RYR2: variants seen among roughly 807,000 people sequenced by gnomAD.
RYR2 encodes ryanodine receptor 2, also known as cardiac muscle ryanodine receptor-calcium release channel.
Under a neutral mutation model 601.1 loss-of-function variants are expected in RYR2, and 227 were observed. The observed-to-expected ratio is 0.38, with a 90% CI of 0.34 to 0.42. The LOEUF (loss-of-function observed/expected upper bound fraction) is 0.42, where lower values mean the gene tolerates loss of function less well. Among genes scored for constraint, RYR2 ranks in the 10% least tolerant of loss-of-function variants. The probability of loss-of-function intolerance (pLI) is 1.00; values close to 1 mark genes in which losing one functional copy is unlikely to be tolerated. For synonymous variants in RYR2, 2,223 were observed against 2,175.1 expected, an observed-to-expected ratio of 1.02 and a Z score of -0.61; for missense variants, 4,646 against 6,156.5, an observed-to-expected ratio of 0.75 and a Z score of 8.21.
chr1:237,579,188 C>G (rs1314833014), intron 29 of RYR2, among the ~76,000 whole-genome samples: 3 of 151,086 alleles, frequency 2.0e-5, no homozygotes, highest in Admixed American at 6.6e-5. Flanking sequence ...ATAAATTGTA[C>G]TTTTTCTTTG....
intron 2 of RYR2, among the ~76,000 whole-genome samples, chr1:237,284,636 T>C (rs1319946709): frequency 1.5e-5 from 2 of 135,814 alleles, no homozygotes; most frequent in Non-Finnish European, 3.1e-5. Flanking sequence ...TATATATGTA[T>C]AGTGTGTGTA....
At chr1:237,431,405 T>A (rs1479967305) in intron 12 of RYR2, among the ~76,000 whole-genome samples, 1 of 152,190 alleles carries the variant, frequency 6.6e-6, no homozygotes, top group Non-Finnish European at 1.5e-5. Flanking sequence ...CTCTTGTGTG[T>A]ATTTGAGTTG....
At position 237,153,412 on chromosome 1, in the gene RYR2, G is replaced by T. The variant is rs1481843743; in HGVS notation, c.48+110843G>T. Reference sequence around the variant, plus strand: ...TTAACTGAAACCTAAACTGTTCTGTGTGTGTGTGTTTTAAATAACGATGGA... The same window carrying T: ...TTAACTGAAACCTAAACTGTTCTGTTTGTGTGTGTTTTAAATAACGATGGA... On this transcript the variant is annotated intron_variant, in intron 1 of 104. Transcript: ENST00000366574. Among the ~76,000 whole-genome samples, 4 of 152,156 alleles carry T rather than the reference G, an allele frequency of 2.6e-5. No homozygotes were observed. The East Asian group carries it at 7.7e-4, about 29-fold the overall frequency.
At chr1:237,385,077 G>C (rs1047279563) in intron 8 of RYR2, among the ~76,000 whole-genome samples, 2 of 151,894 alleles carry the variant, frequency 1.3e-5, no homozygotes, top group African/African-American at 4.8e-5. Context: ...TTTTAGTAGA[G>C]ACAGGGTTTC....
At chr1:237,535,159 A>G (rs1668473741) in intron 25 of RYR2, among the ~76,000 whole-genome samples, 1 of 152,048 alleles carries the variant, frequency 6.6e-6, no homozygotes, top group East Asian at 1.9e-4. Context: ...TACTTGGAGA[A>G]AGTAAAAGAA....
intron 1 of RYR2, among the ~76,000 whole-genome samples, chr1:237,070,851 A>G (rs1261976014): frequency 6.6e-6 from 1 of 152,166 alleles, no homozygotes; most frequent in Non-Finnish European, 1.5e-5. Context: ...GGACAAGGAG[A>G]ATGCAATGGT....
intron 3 of RYR2, among the ~76,000 whole-genome samples, chr1:237,335,727 C>T (rs986655412): frequency 6.6e-6 from 1 of 152,098 alleles, no homozygotes; most frequent in Admixed American, 6.5e-5. Context: ...TCATTCTTTG[C>T]TCCTTACATC....
At chr1:237,686,822 TTTAAG>T in intron 62 of RYR2, among the ~76,000 whole-genome samples, 1 of 152,284 alleles carries the variant, frequency 6.6e-6, no homozygotes, top group African/African-American at 2.4e-5. Flanking sequence ...ATCCAGAGAC[TTTAAG>T]TTATCACATC....
rs1182027242 is a variant in RYR2 at position 237,784,411 on chromosome 1, G to C, written c.12699G>C (p.Met4233Ile). 6.2e-7 allele frequency: 1 copy of C among 1,613,870 alleles called. No homozygotes were observed. Residue 4233 changes from methionine to isoleucine, a missense_variant, in exon 90 of 105, where the codon ATG becomes ATC. By Grantham distance (10) the Met-to-Ile change is conservative. Around this residue, in one of 17 missense-constraint regions of RYR2, gnomAD observed 364 missense variants for 442.9 expected, o/e 0.82. Transcript: ENST00000366574. This position sits in a 1 kb window ranked among gnomAD's most constrained non-coding sequence, Gnocchi z 7.1. ...KERPEEQGPR[M>I]AFFSILTVRS... Reference sequence around the variant, plus strand: ...GGCCGGAAGAGCAGGGGCCGAGGATGGCTTTCTTCTCCATTCTGACGGTCA... The same window carrying C: ...GGCCGGAAGAGCAGGGGCCGAGGATCGCTTTCTTCTCCATTCTGACGGTCA...
intron 1 of RYR2, among the ~76,000 whole-genome samples, chr1:237,156,468 G>C (rs1238996098): frequency 6.6e-6 from 1 of 152,094 alleles, no homozygotes; most frequent in Non-Finnish European, 1.5e-5. Context: ...GCTTAATTTT[G>C]CTTGATTCAA....
chr1:237,654,457 T>C (rs1223261996), intron 52 of RYR2, 43 bp downstream of exon 52: 1 of 1,591,890 alleles, frequency 6.3e-7, no homozygotes, highest in South Asian at 1.1e-5. Context: ...AATAAAATGG[T>C]ATAGAGCCAC....
intron 24 of RYR2, among the ~76,000 whole-genome samples, chr1:237,528,798 T>C (rs917662943): frequency 6.6e-6 from 1 of 152,150 alleles, no homozygotes; most frequent in African/African-American, 2.4e-5. Flanking sequence ...CATGTCACAC[T>C]GAGGTACTGA....
chr1:237,713,109 C>T (rs1688977559), intron 71 of RYR2, among the ~76,000 whole-genome samples: 1 of 152,150 alleles, frequency 6.6e-6, no homozygotes, highest in South Asian at 2.1e-4. Context: ...GTGTTTGACC[C>T]GACAGCACAT....
At chr1:237,457,555 C>G (rs1232459398) in intron 16 of RYR2, among the ~76,000 whole-genome samples, 1 of 152,170 alleles carries the variant, frequency 6.6e-6, no homozygotes, top group Admixed American at 6.5e-5. Context: ...CCCCAGTTCT[C>G]AAAGGACAAT....
At chr1:237,749,104 A>G (rs1692329112) in intron 80 of RYR2, among the ~76,000 whole-genome samples, 1 of 152,228 alleles carries the variant, frequency 6.6e-6, no homozygotes, top group Non-Finnish European at 1.5e-5. Flanking sequence ...TTGAAGCAGC[A>G]TATATTTGTG....
intron 1 of RYR2, among the ~76,000 whole-genome samples, chr1:237,232,072 G>A (rs1685056539): frequency 6.6e-6 from 1 of 152,184 alleles, no homozygotes; most frequent in Non-Finnish European, 1.5e-5. Context: ...GAGTGATACT[G>A]TAAAATACAT....
At chr1:237,290,829 T>G (rs1418683139) in intron 2 of RYR2, among the ~76,000 whole-genome samples, 1 of 152,194 alleles carries the variant, frequency 6.6e-6, no homozygotes, top group Admixed American at 6.5e-5. Context: ...AAATGTTCAA[T>G]ATGTTTGAAG....
In RYR2 at chr1:237,639,221, C is replaced by G. The variant is rs373092652; in HGVS notation, c.7115+20C>G. On this transcript the variant is annotated intron_variant, in intron 46 of 104. Transcript: ENST00000366574. ...AACACTGTAGGTCTAATATACACAC[C>G]CTCACGAGTGATCCATACTACTTGA... 4.4e-6 allele frequency: 7 copies of G among 1,586,404 alleles called. No homozygotes were observed. Among genetic ancestry groups the G allele is most frequent in the African/African-American group, 1.4e-5 (1 of 74,056 alleles).
chr1:237,487,454 G>T (rs761427809), intron 17 of RYR2, among the ~76,000 whole-genome samples: 9 of 149,544 alleles, frequency 6.0e-5, no homozygotes, highest in Non-Finnish European at 1.0e-4. Flanking sequence ...GCTGTGTCTC[G>T]CAACTATAAT....
Sources: allele counts gnomAD v4.1 joint callset (sites outside exome capture counted in the v4.1 genomes callset), GRCh38; gene constraint gnomAD v4.1.1; regional missense constraint gnomAD v4.1.1; non-coding constraint Gnocchi (gnomAD v3.1); transcripts MANE v1.5; gene names NCBI Gene and HGNC (gene_info 2026-07-23, HGNC 2026-07-21).